The following FCSK variants were observed in gnomAD, a reference collection of about 807,000 sequenced individuals.
The protein encoded by FCSK is L-fucose kinase.
A neutral mutation model predicts 122.5 loss-of-function variants in FCSK; 123 were observed. The ratio of observed to expected loss-of-function variants is 1.00; its 90% CI spans 0.87 to 1.17. The LOEUF (loss-of-function observed/expected upper bound fraction) is 1.17. FCSK is among the 50% of genes most tolerant of loss of function. FCSK has a pLI of 0.00. For synonymous variants in FCSK, 620 were observed against 625.5 expected (o/e 0.99, Z 0.13); for missense variants, 1,366 against 1,450.4 (o/e 0.94, Z 0.95).
chr16:70,479,480 G>GGA, intron 23 of FCSK, 77 bp downstream of exon 23: 2 of 1,497,756 alleles, frequency 1.3e-6, no homozygotes, highest in East Asian at 2.3e-5. Context: ...TTAACCAGGG[G>GGA]CTATATCTGT....
intron 1 of FCSK, chr16:70,462,272 C>A: frequency 6.6e-6 from 1 of 151,300 alleles, no homozygotes; most frequent in South Asian, 2.0e-4. Context: ...CTTGGTCTTC[C>A]AAAGTGCTGG....
chr16:70,467,331 G>A (rs770832796), intron 6 of FCSK, 43 bp from the exon 7 acceptor site: 39 of 1,420,744 alleles, frequency 2.7e-5, no homozygotes, highest in African/African-American at 2.0e-4. Context: ...TCCGTGCCTT[G>A]GGTGGAGGCC....
intron 1 of FCSK, among the ~76,000 whole-genome samples, chr16:70,461,763 G>C (rs2048273225): frequency 6.6e-6 from 1 of 152,144 alleles, no homozygotes; most frequent in Admixed American, 6.5e-5. Flanking sequence ...ACCCCATCCT[G>C]CTGCCCTCCC....
rs1318104344 is a variant in FCSK, at chr16:70,469,280, G to GGTACT, written c.913_914insTACTG (p.Ala305ValfsTer27). On this transcript the variant is annotated frameshift_variant, in exon 10 of 24. Transcript: ENST00000288078. LOFTEE classifies it high-confidence loss of function. ...TAGCGGGTTATCTGCAGAGCGCCCG[G>GGTACT]GCCCAGCTGTGGAGGGAGCTTCGCG... 3 of 1,612,214 alleles carry GGTACT rather than the reference G, an allele frequency of 1.9e-6. No individual in the cohort carries two copies. The Admixed American group carries it at 5.0e-5, about 27-fold the overall frequency.
chr16:70,469,313 C>G lies in FCSK; in HGVS notation c.945C>G (p.Pro315=). The change falls in exon 10 of 24, where the codon CCC becomes CCG. Residue 315 remains proline (P), a synonymous_variant. Transcript: ENST00000288078. The part of the protein sequence containing the change: ...AQLWRELRDQ[P]LTMAYVSSGS... ...TGTGGAGGGAGCTTCGCGATCAGCC[C>G]CTTACCATGGGTGGGTACTGCCTCT... The G allele has an allele frequency of 6.3e-7, 1 of 1,598,350 alleles. No individual in the cohort carries two copies. Among genetic ancestry groups the G allele is most frequent in the South Asian group, 1.1e-5 (1 of 89,356 alleles).
chr16:70,464,378 G>A (rs951220518), intron 3 of FCSK, among the ~76,000 whole-genome samples: 13 of 152,150 alleles, frequency 8.5e-5, no homozygotes, highest in African/African-American at 1.9e-4. Context: ...GAGGCCGGGC[G>A]CGGTGGCTCA....
At chr16:70,471,158 G>C in intron 12 of FCSK, 24 bp from the exon 13 acceptor site, 1 of 1,596,438 alleles carries the variant, frequency 6.3e-7, no homozygotes, top group Non-Finnish European at 8.5e-7. Flanking sequence ...GCCCACCCAG[G>C]ATGCCTGCCC....
chr16:70,468,977 G>C lies in FCSK; in HGVS notation c.783+9G>C. The stretch of plus-strand genomic sequence containing the variant: ...GAGCCCGGCCTGTCCAGGTGACTGG[G>C]GGAGGGCAGCTAGGTGGGGCCTGGC... On this transcript the variant is annotated intron_variant, in intron 9 of 23. Coordinates refer to ENST00000288078, the MANE Select transcript of FCSK (RefSeq NM_145059.3). 1 of 1,612,642 alleles carries C rather than the reference G, an allele frequency of 6.2e-7. No homozygotes were observed. The highest frequency in any genetic ancestry group is 8.5e-7 in the Non-Finnish European group (1 of 1,179,932).
chr16:70,470,249 G>A, intron 10 of FCSK, 65 bp from the exon 11 acceptor site: 2 of 1,110,088 alleles, frequency 1.8e-6, no homozygotes, highest in Non-Finnish European at 2.7e-6. Flanking sequence ...TCTGCTGCTG[G>A]GAGGCAGCCT....
rs770401010 is a variant in FCSK at position 70,474,512 on chromosome 16, C to T, written c.1989-16C>T. On this transcript the variant is annotated splice_polypyrimidine_tract_variant and intron_variant, in intron 16 of 23. Coordinates refer to ENST00000288078, the MANE Select transcript of FCSK (RefSeq NM_145059.3). ...TTGGGGCTGCATGCCACCATCCCTCCCCCTTCTCTTGGCAGGCCAGCCTTG... is the reference window on the plus strand; with the variant it reads ...TTGGGGCTGCATGCCACCATCCCTCTCCCTTCTCTTGGCAGGCCAGCCTTG... 5.8e-6 allele frequency: 9 copies of T among 1,546,960 alleles called. No individual in the cohort carries two copies. The South Asian group carries it at 5.9e-5, about 10-fold the overall frequency.
Position 70,474,930 on chromosome 16 carries a change from C to A in FCSK, c.2296C>A (p.Pro766Thr), listed in dbSNP as rs933786785. Residue 766 changes from proline (P) to threonine (T), a missense_variant, in exon 18 of 24, where the codon CCT becomes ACT. Transcript: ENST00000288078. ...PEPELWLAVG[P>T]RQDEMTVKIV... ...GCCTGAGCTGTGGCTGGCGGTGGGG[C>A]CTCGGCAGGATGAGATGACTGTGAA... The A allele has an allele frequency of 9.3e-6, 15 of 1,611,178 alleles. No individual in the cohort carries two copies. The highest frequency in any genetic ancestry group is 1.7e-4 in the Middle Eastern group (1 of 5,978).
intron 3 of FCSK, 68 bp from the exon 4 acceptor site, chr16:70,465,058 T>C: frequency 6.3e-7 from 1 of 1,596,358 alleles, no homozygotes; most frequent in Non-Finnish European, 8.6e-7. Flanking sequence ...TCTCTCTGGA[T>C]TCGAGGGTGC....
chr16:70,458,126 C>G (rs79471501), intron 1 of FCSK, among the ~76,000 whole-genome samples: 1 of 149,024 alleles, frequency 6.7e-6, no homozygotes, highest in South Asian at 2.1e-4. Flanking sequence ...GTGCTCAGTC[C>G]TAGTGGCTAT....
intron 1 of FCSK, 146 bp downstream of exon 1, chr16:70,454,776 G>A (rs1258030006): frequency 1.3e-5 from 2 of 152,150 alleles, no homozygotes; most frequent in Non-Finnish European, 2.9e-5. Flanking sequence ...AGAGTCCCCG[G>A]GAGCTCTGCG....
Position 70,466,270 on chromosome 16 carries a change from G to C in FCSK, c.411+13G>C, listed in dbSNP as rs766870057. ...CATGACCTATCGGGTGAGGCTGGGTGGTGGCCCGTGGTGCCTCGTCCCAGA... is the reference window on the plus strand; with the variant it reads ...CATGACCTATCGGGTGAGGCTGGGTCGTGGCCCGTGGTGCCTCGTCCCAGA... On this transcript the variant is annotated intron_variant, in intron 5 of 23. Coordinates refer to ENST00000288078, the MANE Select transcript of FCSK (RefSeq NM_145059.3). 2 of 1,613,598 alleles carry C rather than the reference G, an allele frequency of 1.2e-6. No homozygotes were observed. Among genetic ancestry groups the C allele is most frequent in the Non-Finnish European group, 1.7e-6 (2 of 1,179,632 alleles).
At chr16:70,477,352 T>A (rs2048849847) in intron 20 of FCSK, 1 of 151,956 alleles carries the variant, frequency 6.6e-6, no homozygotes, top group Non-Finnish European at 1.5e-5. Context: ...CCAGCTAATT[T>A]TTTGTATTTT....
At position 70,475,025 on chromosome 16, in the gene FCSK, G is replaced by A; in HGVS notation, c.2377+14G>A. On this transcript the variant is annotated intron_variant, in intron 18 of 23. Transcript: ENST00000288078. ...CTCATGCCCCAGGTCAGGCACCCTG[G>A]GACCTCTGCAGGTGGGGCTGGCCAG... The A allele has an allele frequency of 6.3e-7, 1 of 1,578,852 alleles. No individual in the cohort carries two copies. Among genetic ancestry groups the A allele is most frequent in the East Asian group, 2.3e-5 (1 of 42,860 alleles).
intron 11 of FCSK, 28 bp from the exon 12 acceptor site, chr16:70,470,943 C>T (rs375348554): frequency 4.5e-6 from 7 of 1,549,172 alleles, no homozygotes; most frequent in African/African-American, 1.4e-5. Context: ...CTCGACCCCC[C>T]TCATGCTCCT....
chr16:70,475,174 G>A (rs935143216), intron 18 of FCSK, among the ~76,000 whole-genome samples, 163 bp downstream of exon 18: 1 of 152,220 alleles, frequency 6.6e-6, no homozygotes, highest in Admixed American at 6.5e-5. Context: ...AAGATGACAC[G>A]TGTCCCTGTC....
Sources: allele counts gnomAD v4.1 joint callset (sites outside exome capture counted in the v4.1 genomes callset), GRCh38; gene constraint gnomAD v4.1.1; transcripts MANE v1.5; gene names NCBI Gene and HGNC (gene_info 2026-07-23, HGNC 2026-07-21).